PRMT7: variants seen among roughly 807,000 people sequenced by gnomAD.
PRMT7 encodes the protein protein arginine N-methyltransferase 7.
Under a neutral mutation model 85.4 loss-of-function variants are expected in PRMT7, and 75 were observed. That is an observed-to-expected ratio of 0.88 (90% CI 0.73 to 1.06). PRMT7 has a LOEUF of 1.06. Ranked by LOEUF, PRMT7 falls within the 50% of genes least tolerant of loss-of-function variation. PRMT7 has a pLI of 0.00. For missense variants in PRMT7, 868 were observed against 915.2 expected (o/e 0.95, Z 0.67); for synonymous variants, 397 against 359.5 (o/e 1.10, Z -1.18).
intron 3 of PRMT7, 29 bp downstream of exon 3, chr16:68,316,103 G>A (rs766709148): frequency 1.0e-5 from 16 of 1,585,756 alleles, no homozygotes; most frequent in Non-Finnish European, 1.4e-5. Flanking sequence ...GCAGGCTGCA[G>A]CTGGGTGGGG....
chr16:68,338,042 G>C (rs1015948708), intron 7 of PRMT7, among the ~76,000 whole-genome samples: 3 of 152,178 alleles, frequency 2.0e-5, no homozygotes, highest in African/African-American at 7.2e-5. Flanking sequence ...GATGGAGTGG[G>C]GTTTGGGGGC....
intron 9 of PRMT7, among the ~76,000 whole-genome samples, chr16:68,341,347 C>T (rs1014483390): frequency 5.3e-5 from 8 of 152,238 alleles, no homozygotes; most frequent in Non-Finnish European, 1.2e-4. Flanking sequence ...AAGCCAGCCA[C>T]ACCACGTGGG....
chr16:68,347,790 C>T, intron 13 of PRMT7, 112 bp downstream of exon 13: 2 of 977,722 alleles, frequency 2.0e-6, no homozygotes, highest in East Asian at 2.5e-5. Flanking sequence ...CTCGCTTGCA[C>T]CCCTGTGTTG....
intron 14 of PRMT7, among the ~76,000 whole-genome samples, chr16:68,349,975 G>C (rs1174528281): frequency 1.3e-5 from 2 of 152,182 alleles, no homozygotes; most frequent in Non-Finnish European, 2.9e-5. Flanking sequence ...GCATCCCCAT[G>C]CCCCAGGCCT....
chr16:68,350,513 C>G (rs2087155605), intron 14 of PRMT7, among the ~76,000 whole-genome samples: 2 of 152,000 alleles, frequency 1.3e-5, no homozygotes, highest in African/African-American at 4.8e-5. Context: ...TGCCCAATGA[C>G]TGATGATGGT....
chr16:68,337,245 A>G (rs1202055469), intron 6 of PRMT7, among the ~76,000 whole-genome samples: 2 of 152,158 alleles, frequency 1.3e-5, no homozygotes, highest in East Asian at 3.8e-4. Flanking sequence ...AGATTTATCA[A>G]TTAGCGTTTT....
rs1014225303 is a variant in PRMT7, at chr16:68,345,791, G to A, written c.1044G>A (p.Leu348=). 1 of 1,614,096 alleles carries A rather than the reference G, an allele frequency of 6.2e-7. No homozygotes were observed. Among genetic ancestry groups the A allele is most frequent in the Middle Eastern group, 1.6e-4 (1 of 6,062 alleles). ...HHDDYCVWYS[L]QRTSPEKNER... ...ATGACTACTGCGTATGGTACAGCCT[G>A]CAGAGGACCAGGTACGTCGAGCCTC... Residue 348 remains leucine (L), a synonymous_variant, in exon 10 of 19, where the codon CTG becomes CTA. Coordinates refer to ENST00000441236, the MANE Select transcript of PRMT7 (RefSeq NM_019023.5).
Position 68,342,533 on chromosome 16 carries a change from C to A in PRMT7, c.927+2565C>A, listed in dbSNP as rs1321841797. Among the ~76,000 whole-genome samples, 3 of 152,180 alleles carry A rather than the reference C, an allele frequency of 2.0e-5. No homozygotes were observed. In the East Asian group the frequency reaches 5.8e-4, roughly 29 times the overall value. The stretch of plus-strand genomic sequence containing the variant: ...TTTGTCCATGGTCCAGCCTGCCTGG[C>A]CTTAACCCCTGGCTTTGTGTTGAAT... On this transcript the variant is annotated intron_variant, in intron 9 of 18. Transcript: ENST00000441236.
chr16:68,345,971 A>G, intron 10 of PRMT7, 169 bp downstream of exon 10: 2 of 1,290,052 alleles, frequency 1.6e-6, no homozygotes, highest in East Asian at 2.4e-5. Flanking sequence ...TGTACCCAGG[A>G]GAGGCTGTCA....
At chr16:68,314,843 A>G (rs79104152) in intron 2 of PRMT7, among the ~76,000 whole-genome samples, 6,232 of 152,310 alleles carry the variant, frequency 0.041, 150 homozygotes, top group Middle Eastern at 0.14. Context: ...GAGACAGGCC[A>G]TACAAGACGT....
At chr16:68,337,683 C>A in intron 7 of PRMT7, 112 bp downstream of exon 7, 1 of 512,598 alleles carries the variant, frequency 2.0e-6, no homozygotes, top group South Asian at 4.9e-5. Context: ...TCTGATACAC[C>A]TGGGACACCC....
At chr16:68,320,539 G>A (rs1339321684) in intron 3 of PRMT7, among the ~76,000 whole-genome samples, 1 of 152,212 alleles carries the variant, frequency 6.6e-6, no homozygotes. Flanking sequence ...GTTCAGGAAC[G>A]CCTTAAGCGA....
At chr16:68,344,492 G>A (rs1056595753) in intron 9 of PRMT7, among the ~76,000 whole-genome samples, 3 of 152,166 alleles carry the variant, frequency 2.0e-5, no homozygotes, top group Non-Finnish European at 4.4e-5. Flanking sequence ...ATGTCTGTCC[G>A]TATTCTGCAC....
chr16:68,358,704 G>A (rs531009636), downstream of PRMT7: 1 of 152,652 alleles, frequency 6.6e-6, no homozygotes, highest in African/African-American at 2.4e-5. Flanking sequence ...TGGCCCCCGC[G>A]CCTTGTGGCT....
intron 7 of PRMT7, 87 bp downstream of exon 7, chr16:68,337,658 C>A: frequency 1.2e-6 from 1 of 801,244 alleles, no homozygotes; most frequent in South Asian, 2.4e-5. Context: ...CCACACAGCC[C>A]AAGCCCTCAG....
intron 5 of PRMT7, among the ~76,000 whole-genome samples, chr16:68,326,734 C>G (rs1383330731): frequency 6.6e-6 from 1 of 152,166 alleles, no homozygotes; most frequent in Non-Finnish European, 1.5e-5. Flanking sequence ...GCACCCTCAC[C>G]TGATTTCAGG....
intron 10 of PRMT7, 105 bp from the exon 11 acceptor site, chr16:68,346,040 C>T (rs1257198638): frequency 6.5e-7 from 1 of 1,533,084 alleles, no homozygotes; most frequent in African/African-American, 1.4e-5. Context: ...TTAGCGGGTG[C>T]TCTAAGCCCT....
At chr16:68,352,543 C>A in intron 15 of PRMT7, 134 bp downstream of exon 15, 1 of 836,806 alleles carries the variant, frequency 1.2e-6, no homozygotes, top group Non-Finnish European at 1.7e-6. Context: ...CTTTCTGTGT[C>A]AGCACACTGT....
At chr16:68,345,251 TA>T (rs1419743783) in intron 9 of PRMT7, among the ~76,000 whole-genome samples, 1 of 152,232 alleles carries the variant, frequency 6.6e-6, no homozygotes, top group Non-Finnish European at 1.5e-5. Flanking sequence ...CCGAGTACGT[TA>T]AAGCCTTTGG....
Sources: allele counts gnomAD v4.1 joint callset (sites outside exome capture counted in the v4.1 genomes callset), GRCh38; gene constraint gnomAD v4.1.1; transcripts MANE v1.5; gene names NCBI Gene and HGNC (gene_info 2026-07-23, HGNC 2026-07-21).